Variants in TPRG1 observed in about 807,000 individuals in gnomAD.
The protein encoded by TPRG1 is tumor protein p63-regulated gene 1 protein.
TPRG1 carries 29 observed loss-of-function variants against 29.3 expected under a neutral mutation model. That is an observed-to-expected ratio of 0.99 (90% CI 0.74 to 1.35). The LOEUF (loss-of-function observed/expected upper bound fraction) is 1.35. Ranked by LOEUF, TPRG1 falls within the 40% of genes most tolerant of loss-of-function variation. The pLI is 0.00. For missense variants in TPRG1, 327 were observed against 335.0 expected, an observed-to-expected ratio of 0.98 and a Z score of 0.19; for synonymous variants, 130 against 116.8, an observed-to-expected ratio of 1.11 and a Z score of -0.73.
rs375898548 is a variant in TPRG1, at chr3:189,062,690, GATAAGCCATATA to G, written c.-463+38756_-463+38767del. 3.1e-3 allele frequency among the ~76,000 whole-genome samples: 468 copies of G among 152,122 alleles called. 3 individuals carry two copies. The highest frequency in any genetic ancestry group is 0.011 in the African/African-American group (444 of 41,526). On this transcript the variant is annotated intron_variant, in intron 4 of 10. Transcript: ENST00000433971. ...TGAAATGTTGATGCCAGTAGAATGT[GATAAGCCATATA>G]ATAAGCCATATGTATATGTTGTAAT...
intron 3 of TPRG1, among the ~76,000 whole-genome samples, chr3:189,011,432 A>G (rs1712594687): frequency 6.6e-6 from 1 of 152,114 alleles, no homozygotes; most frequent in East Asian, 1.9e-4. Flanking sequence ...ATATTCGAGA[A>G]TGGGCAATTT....
At chr3:189,009,448 G>A (rs1248539763) in intron 3 of TPRG1, among the ~76,000 whole-genome samples, 1 of 152,126 alleles carries the variant, frequency 6.6e-6, no homozygotes, top group African/African-American at 2.4e-5. Flanking sequence ...GAAGGCAGAT[G>A]TATTGAGACC....
At chr3:189,045,448 A>G (rs1329506311) in intron 4 of TPRG1, among the ~76,000 whole-genome samples, 2 of 152,250 alleles carry the variant, frequency 1.3e-5, no homozygotes, top group Admixed American at 1.3e-4. Flanking sequence ...TGTAAGTGGA[A>G]AAGATGGCAG....
intron 4 of TPRG1, among the ~76,000 whole-genome samples, chr3:189,304,955 A>G (rs1721405708): frequency 6.6e-6 from 1 of 152,262 alleles, no homozygotes; most frequent in East Asian, 1.9e-4. Context: ...TTAGAGCAAG[A>G]GTTAATGTCT....
chr3:189,263,200 GC>G (rs1487200924), intron 4 of TPRG1, among the ~76,000 whole-genome samples: 1 of 152,240 alleles, frequency 6.6e-6, no homozygotes, highest in African/African-American at 2.4e-5. Context: ...CAGGATTTCA[GC>G]TTTTATGACA....
intron 4 of TPRG1, among the ~76,000 whole-genome samples, chr3:189,242,091 T>C (rs1218035761): frequency 6.6e-6 from 1 of 152,190 alleles, no homozygotes; most frequent in Non-Finnish European, 1.5e-5. Context: ...AACGAACTTA[T>C]ATTTCATCTA....
At chr3:189,179,507 G>A (rs931874712) in intron 1 of TPRG1, among the ~76,000 whole-genome samples, 9 of 152,168 alleles carry the variant, frequency 5.9e-5, no homozygotes, top group Admixed American at 2.0e-4. Context: ...ACAGCTCAGC[G>A]TGACTTTCTG....
intron 4 of TPRG1, among the ~76,000 whole-genome samples, chr3:189,277,599 A>G (rs1176142253): frequency 6.6e-6 from 1 of 152,254 alleles, no homozygotes; most frequent in Non-Finnish European, 1.5e-5. Flanking sequence ...TATACAGAAT[A>G]GAGAAGATTA....
At chr3:189,086,179 A>T (rs1717922160) in intron 4 of TPRG1, among the ~76,000 whole-genome samples, 7 of 152,102 alleles carry the variant, frequency 4.6e-5, no homozygotes, top group Admixed American at 4.6e-4. Flanking sequence ...TAGGAGTCTG[A>T]TGTTCAAGGG....
At chr3:189,156,937 T>A (rs1216540392) in intron 5 of TPRG1, among the ~76,000 whole-genome samples, 3 of 152,206 alleles carry the variant, frequency 2.0e-5, no homozygotes, top group Non-Finnish European at 4.4e-5. Context: ...AAATTGATAA[T>A]CACTGAAATA....
At chr3:189,059,800 G>C (rs554917426) in intron 4 of TPRG1, among the ~76,000 whole-genome samples, 1 of 152,282 alleles carries the variant, frequency 6.6e-6, no homozygotes, top group East Asian at 1.9e-4. Context: ...GATCAAGTAG[G>C]CTTCATCCCC....
intron 3 of TPRG1, among the ~76,000 whole-genome samples, chr3:189,012,785 G>T (rs1367101727): frequency 6.6e-6 from 1 of 152,096 alleles, no homozygotes; most frequent in Admixed American, 6.6e-5. Context: ...TGTGCATAGG[G>T]ATGTTTATAA....
intron 4 of TPRG1, among the ~76,000 whole-genome samples, chr3:189,093,989 T>C (rs970377310): frequency 2.0e-5 from 3 of 152,168 alleles, no homozygotes; most frequent in Non-Finnish European, 4.4e-5. Context: ...TGAATCTATC[T>C]ATATTTTTAA....
Position 189,145,093 on chromosome 3 carries a change from G to T in TPRG1, c.-290-2491G>T, listed in dbSNP as rs2108580191. Among the ~76,000 whole-genome samples the T allele has an allele frequency of 2.0e-5, 3 of 152,252 alleles. No homozygotes were observed. The South Asian group carries it at 6.2e-4, about 32-fold the overall frequency. On this transcript the variant is annotated intron_variant, in intron 3 of 6. Transcript: ENST00000412373. ...ATAAAAATGACACCGGCCGGGTGCGGTGGCTCAAGCCTGTAATCCCAGCAC... is the reference window on the plus strand; with the variant it reads ...ATAAAAATGACACCGGCCGGGTGCGTTGGCTCAAGCCTGTAATCCCAGCAC...
intron 4 of TPRG1, among the ~76,000 whole-genome samples, chr3:189,044,260 G>GA (rs1028549205): frequency 1.1e-3 from 168 of 151,156 alleles, no homozygotes; most frequent in Non-Finnish European, 2.1e-3. Context: ...TCATGACAAA[G>GA]AAAAAAAAAT....
At chr3:189,060,287 A>G (rs1251842524) in intron 4 of TPRG1, among the ~76,000 whole-genome samples, 1 of 152,194 alleles carries the variant, frequency 6.6e-6, no homozygotes. Context: ...TTGAAGGAAC[A>G]TACCTCAAAA....
At chr3:189,162,577 C>T (rs1263881698) in intron 5 of TPRG1, among the ~76,000 whole-genome samples, 1 of 152,196 alleles carries the variant, frequency 6.6e-6, no homozygotes, top group Non-Finnish European at 1.5e-5. Flanking sequence ...GTGGGGTTTA[C>T]ATCTGGCTCT....
At chr3:189,290,161 A>G (rs2109195997) in intron 4 of TPRG1, among the ~76,000 whole-genome samples, 1 of 152,336 alleles carries the variant, frequency 6.6e-6, no homozygotes, top group African/African-American at 2.4e-5. Context: ...CTGACTTATA[A>G]GAACTTTGCA....
chr3:189,264,004 C>T (rs1239196350), intron 4 of TPRG1, among the ~76,000 whole-genome samples: 2 of 152,110 alleles, frequency 1.3e-5, no homozygotes, highest in Non-Finnish European at 2.9e-5. Flanking sequence ...TAGCTTCTAC[C>T]CTTTTAATTC....
Sources: gnomAD v4.1 joint callset for allele counts (sites outside exome capture counted in the v4.1 genomes callset) on GRCh38, gnomAD v4.1.1 for gene constraint, MANE v1.5 for transcripts, NCBI Gene and HGNC (gene_info 2026-07-23, HGNC 2026-07-21) for gene names.